SLC6A11: variants seen among roughly 807,000 people sequenced by gnomAD.
SLC6A11 encodes solute carrier family 6 member 11.
A neutral mutation model predicts 74.8 loss-of-function variants in SLC6A11; 25 were observed. The observed-to-expected ratio is 0.33, with a 90% CI of 0.24 to 0.47. SLC6A11 has a LOEUF of 0.47. Ranked by LOEUF, SLC6A11 falls within the 20% of genes least tolerant of loss-of-function variation. The pLI, the probability that SLC6A11 is intolerant of heterozygous loss-of-function variation, is 1.00. For synonymous variants in SLC6A11, 330 were observed against 330.2 expected, an observed-to-expected ratio of 1.00 and a Z score of 0.01; for missense variants, 574 against 837.0, an observed-to-expected ratio of 0.69 and a Z score of 3.88.
intron 3 of SLC6A11, 131 bp from the exon 4 acceptor site, chr3:10,823,171 C>A: frequency 3.0e-6 from 2 of 661,496 alleles, no homozygotes; most frequent in South Asian, 3.4e-5. Context: ...TTCCCCACTG[C>A]CCTTTGACGC....
chr3:10,840,583 A>G (rs142528148), intron 4 of SLC6A11, among the ~76,000 whole-genome samples: 3 of 152,370 alleles, frequency 2.0e-5, no homozygotes, highest in Admixed American at 6.5e-5. Flanking sequence ...CGTGAATGCC[A>G]TGTTCCGTAC....
chr3:10,887,007 A>G (rs1416345504), intron 6 of SLC6A11, among the ~76,000 whole-genome samples: 2 of 152,240 alleles, frequency 1.3e-5, no homozygotes, highest in Admixed American at 1.3e-4. Context: ...ACTTCTCAGC[A>G]CCTGACACAG....
rs1694111085 is a variant in SLC6A11 at position 10,819,615 on chromosome 3, A to G, written c.391+16A>G. 6.2e-7 allele frequency: 1 copy of G among 1,610,904 alleles called. No individual in the cohort carries two copies. The highest frequency in any genetic ancestry group is 2.2e-5 in the East Asian group (1 of 44,874). ...TTATTTGAAGGTATGTGTTGAGTTA[A>G]TGAGAAAATAAAATTTTGCCCAGGG... On this transcript the variant is annotated intron_variant, in intron 2 of 13. Transcript: ENST00000254488.
intron 6 of SLC6A11, among the ~76,000 whole-genome samples, chr3:10,883,563 C>A (rs1340049200): frequency 6.6e-6 from 1 of 152,096 alleles, no homozygotes; most frequent in Non-Finnish European, 1.5e-5. Context: ...ATGAAAGATG[C>A]CCACACTGTG....
intron 8 of SLC6A11, among the ~76,000 whole-genome samples, chr3:10,922,268 A>G (rs764762407): frequency 6.6e-6 from 1 of 152,226 alleles, no homozygotes; most frequent in Non-Finnish European, 1.5e-5. Flanking sequence ...GAGACCCATT[A>G]ATATAATGCA....
At chr3:10,932,245 A>G (rs1321517004) in intron 10 of SLC6A11, among the ~76,000 whole-genome samples, 1 of 152,058 alleles carries the variant, frequency 6.6e-6, no homozygotes, top group Non-Finnish European at 1.5e-5. Context: ...CTCAATCATC[A>G]TGGATTTGTA....
At chr3:10,829,738 T>C (rs1284034560) in intron 4 of SLC6A11, among the ~76,000 whole-genome samples, 2 of 152,202 alleles carry the variant, frequency 1.3e-5, no homozygotes, top group African/African-American at 2.4e-5. Flanking sequence ...AGATGATGCT[T>C]ACAAAGCTCC....
At chr3:10,875,267 A>G (rs950537525) in intron 6 of SLC6A11, among the ~76,000 whole-genome samples, 172 bp downstream of exon 6, 3 of 152,222 alleles carry the variant, frequency 2.0e-5, no homozygotes, top group Non-Finnish European at 2.9e-5. Context: ...GAAATCAAAT[A>G]TTTTGAAATA....
At chr3:10,825,069 C>T (rs1199457162) in intron 4 of SLC6A11, 1 of 151,448 alleles carries the variant, frequency 6.6e-6, no homozygotes, top group Non-Finnish European at 1.5e-5. Context: ...GCAATCTCAT[C>T]TACTCAGGAG....
In SLC6A11 at chr3:10,933,182, C is replaced by T. The variant is rs372986506; in HGVS notation, c.1403C>T (p.Ser468Phe). 18 of 1,613,956 alleles carry T rather than the reference C, an allele frequency of 1.1e-5. No individual in the cohort carries two copies. Among genetic ancestry groups the T allele is most frequent in the Non-Finnish European group, 1.4e-5 (17 of 1,179,978 alleles). Residue 468 changes from serine to phenylalanine, a missense_variant, in exon 11 of 14, where the codon TCC (serine) becomes TTC (phenylalanine). By Grantham distance (155) the Ser-to-Phe change is radical (BLOSUM62 -2). This residue lies in a region of SLC6A11 where 257 missense variants were observed against 341.5 expected (regional missense o/e 0.75). Coordinates refer to ENST00000254488, the MANE Select transcript of SLC6A11 (RefSeq NM_014229.3). ...GGMYIFQLFD[S>F]YAASGMCLLF... ...ATGTACATCTTCCAGCTCTTTGACT[C>T]CTATGCCGCCAGTGGGATGTGCCTT...
At chr3:10,893,257 A>T (rs780598529) in intron 6 of SLC6A11, among the ~76,000 whole-genome samples, 3 of 152,182 alleles carry the variant, frequency 2.0e-5, no homozygotes, top group Non-Finnish European at 4.4e-5. Flanking sequence ...AAATTAATCC[A>T]TAGGTTTGTG....
Position 10,940,497 on chromosome 3 carries a change from G to A in SLC6A11, c.*2095G>A, listed in dbSNP as rs1362881878. On this transcript the variant is annotated 3_prime_UTR_variant, in exon 14 of 14. Coordinates refer to ENST00000254488, the MANE Select transcript of SLC6A11 (RefSeq NM_014229.3). ...TTCCTACTAGTATTTGGGTAACTTT[G>A]GGGGTGGGGAGGGCAATGTGGGGGC... The A allele has an allele frequency of 6.6e-6, 1 of 152,018 alleles. No homozygotes were observed. The highest frequency in any genetic ancestry group is 1.5e-5 in the Non-Finnish European group (1 of 68,006). 9.4% of individuals were successfully genotyped at this position (152,018 alleles called of 1,614,324 possible).
rs538861500 is a variant in SLC6A11, at chr3:10,865,065, C to T, written c.757-9896C>T. Among the ~76,000 whole-genome samples the T allele has an allele frequency of 5.1e-4, 77 of 152,312 alleles. 2 individuals carry two copies. The South Asian group carries it at 0.016, about 31-fold the overall frequency. ...GAACCCTCAGATATGTTGTTCTCTG[C>T]CAGCCAAGGCCACTCACTCACTGGG... On this transcript the variant is annotated intron_variant, in intron 5 of 13. Transcript: ENST00000254488.
At chr3:10,843,534 C>G (rs552279169) in intron 4 of SLC6A11, among the ~76,000 whole-genome samples, 1 of 152,326 alleles carries the variant, frequency 6.6e-6, no homozygotes, top group South Asian at 2.1e-4. Flanking sequence ...CCAGGAAGCT[C>G]TCCCTGACCC....
intron 13 of SLC6A11, among the ~76,000 whole-genome samples, chr3:10,937,831 C>T (rs1330291199): frequency 2.0e-5 from 3 of 152,206 alleles, no homozygotes; most frequent in Admixed American, 1.3e-4. Context: ...CCCAGGTATC[C>T]AGCAATTGTC....
rs557307725 is a variant in SLC6A11, at chr3:10,863,246, G to A, written c.757-11715G>A. On this transcript the variant is annotated intron_variant, in intron 5 of 13. Coordinates refer to ENST00000254488, the MANE Select transcript of SLC6A11 (RefSeq NM_014229.3). ...CAAGGCAGAATGAAATAAGGGCTAA[G>A]TAGAAGGAGGAAGGGAAGCTACTGT... Among the ~76,000 whole-genome samples the A allele has an allele frequency of 2.0e-5, 3 of 152,338 alleles. No individual in the cohort carries two copies. The South Asian group carries it at 6.2e-4, about 32-fold the overall frequency.
rs148952083 is a variant in SLC6A11, at chr3:10,914,929, G to A, written c.995+2736G>A. ...CTTGGTCACTGTCCCCTCCAGCTAG[G>A]CTGTCAGCACCATGAGGACGTGGGC... On this transcript the variant is annotated intron_variant, in intron 7 of 13. Transcript: ENST00000254488. Among the ~76,000 whole-genome samples the A allele has an allele frequency of 9.8e-3, 1,489 of 152,196 alleles. 23 individuals carry two copies. Among genetic ancestry groups the A allele is most frequent in the African/African-American group, 0.035 (1,436 of 41,508 alleles).
At chr3:10,930,563 G>A (rs182766927) in intron 10 of SLC6A11, among the ~76,000 whole-genome samples, 11 of 152,286 alleles carry the variant, frequency 7.2e-5, no homozygotes, top group African/African-American at 1.4e-4. Context: ...GAAACCAGGC[G>A]CTGCAGTAAG....
intron 13 of SLC6A11, among the ~76,000 whole-genome samples, chr3:10,935,863 C>T (rs1377516072): frequency 6.6e-6 from 1 of 152,160 alleles, no homozygotes; most frequent in Non-Finnish European, 1.5e-5. Flanking sequence ...CTTTAGGATA[C>T]TTTCATTGTC....
Sources: allele counts gnomAD v4.1 joint callset (sites outside exome capture counted in the v4.1 genomes callset), GRCh38; gene constraint gnomAD v4.1.1; regional missense constraint gnomAD v4.1.1; transcripts MANE v1.5; gene names NCBI Gene and HGNC (gene_info 2026-07-23, HGNC 2026-07-21).